Variants in ALX4 observed in about 807,000 individuals in gnomAD.
ALX4 encodes the protein homeobox protein aristaless-like 4.
ALX4 carries 22 observed loss-of-function variants against 40.6 expected under a neutral mutation model. The observed-to-expected ratio is 0.54, with a 90% CI of 0.39 to 0.77. The LOEUF is 0.77. Ranked by LOEUF, ALX4 falls within the 30% of genes least tolerant of loss-of-function variation. The pLI is 0.00. For missense variants in ALX4, 556 were observed against 564.8 expected (o/e 0.98, Z 0.16); for synonymous variants, 266 against 240.5 (o/e 1.11, Z -0.98).
Position 44,262,294 on chromosome 11 carries a change from G to T in ALX4, c.*2560C>A, listed in dbSNP as rs568154025. The T allele has an allele frequency of 6.6e-6, 1 of 152,312 alleles. No individual in the cohort carries two copies. The highest frequency in any genetic ancestry group is 2.1e-4 in the South Asian group (1 of 4,806). The allele number at this position is 152,312 out of a possible 1,614,324, so 9.4% of individuals were successfully genotyped here. A position where few individuals can be genotyped will look rare whatever the true frequency, so the allele number is the denominator to read the frequency against. ...TCGGTGGTCCTATCATACTTAGTGT[G>T]GTTAGGTGGCCCCCAAGGGCTGGGC... On this transcript the variant is annotated 3_prime_UTR_variant, in exon 4 of 4. Coordinates refer to ENST00000652299, the MANE Select transcript of ALX4 (RefSeq NM_021926.4).
chr11:44,263,924 G>C lies in ALX4; in HGVS notation c.*930C>G, dbSNP rs1956196966. 6.6e-6 allele frequency: 1 copy of C among 152,410 alleles called. No individual in the cohort carries two copies. The highest frequency in any genetic ancestry group is 2.4e-5 in the African/African-American group (1 of 41,456). The allele number at this position is 152,410 out of a possible 1,614,324, so 9.4% of individuals were successfully genotyped here. ...CCTGGAGGGAACCTGACTGGGCTCT[G>C]GATGGAGAACAAAGCTGCCCAGACC... On this transcript the variant is annotated 3_prime_UTR_variant, in exon 4 of 4. Coordinates refer to ENST00000652299, the MANE Select transcript of ALX4 (RefSeq NM_021926.4).
At chr11:44,308,294 G>A (rs1956481461) in intron 1 of ALX4, among the ~76,000 whole-genome samples, 1 of 152,222 alleles carries the variant, frequency 6.6e-6, no homozygotes, top group Non-Finnish European at 1.5e-5. Context: ...GTGAAAGAAG[G>A]AACCTGAATA....
intron 1 of ALX4, 26 bp from the exon 2 acceptor site, chr11:44,275,684 A>G (rs1318884238): frequency 1.3e-5 from 21 of 1,608,836 alleles, no homozygotes; most frequent in Non-Finnish European, 1.8e-5. Flanking sequence ...ACAAAGTCAG[A>G]AACCAATGGT....
At chr11:44,287,113 G>A (rs1053277353) in intron 1 of ALX4, among the ~76,000 whole-genome samples, 10 of 152,194 alleles carry the variant, frequency 6.6e-5, no homozygotes, top group African/African-American at 1.2e-4. Context: ...GCAGGCATCC[G>A]CCGAGGCAGG....
chr11:44,303,512 G>C (rs189310520), intron 1 of ALX4, among the ~76,000 whole-genome samples: 4 of 152,310 alleles, frequency 2.6e-5, no homozygotes, highest in African/African-American at 9.6e-5. Flanking sequence ...AACTGCCTCT[G>C]GAGTCCAAAT....
chr11:44,293,099 AGAAGGAAGGAAG>A lies in ALX4; in HGVS notation c.466+16486_466+16497del, dbSNP rs1172183534. Among the ~76,000 whole-genome samples, 196 of 37,154 alleles carry A rather than the reference AGAAGGAAGGAAG, an allele frequency of 5.3e-3. 3 individuals carry two copies. Among genetic ancestry groups the A allele is most frequent in the East Asian group, 0.014 (15 of 1,042 alleles). 24.4% of individuals were successfully genotyped at this position (37,154 alleles called of 152,430 possible). On this transcript the variant is annotated intron_variant, in intron 1 of 3. Transcript: ENST00000652299. ...GGGTGATAGTGAGACCCTGTCTGAGAGAAGGAAGGAAGGAAGGAAGGAAGGAAGGAAGGAAGG... is the reference window on the plus strand; with the variant it reads ...GGGTGATAGTGAGACCCTGTCTGAGAGAAGGAAGGAAGGAAGGAAGGAAGG...
rs60856634 is a variant in ALX4, at chr11:44,297,009, CAAAAA to C, written c.466+12583_466+12587del. 4.3e-3 allele frequency among the ~76,000 whole-genome samples: 372 copies of C among 86,874 alleles called. 1 individual carries two copies. The highest frequency in any genetic ancestry group is 0.014 in the Middle Eastern group (2 of 146). 57.0% of individuals were successfully genotyped at this position (86,874 alleles called of 152,430 possible). On this transcript the variant is annotated intron_variant, in intron 1 of 3. Transcript: ENST00000652299. Reference sequence around the variant, plus strand: ...GGGCAACAAGAGTGAAACTCTGTCTCAAAAAAAAAAAAAAAAAAAAAAGGTACCTA... The same window carrying C: ...GGGCAACAAGAGTGAAACTCTGTCTCAAAAAAAAAAAAAAAAAGGTACCTA...
intron 1 of ALX4, among the ~76,000 whole-genome samples, chr11:44,292,272 C>A (rs1446533929): frequency 6.6e-6 from 1 of 151,648 alleles, no homozygotes; most frequent in Non-Finnish European, 1.5e-5. Context: ...GTGGTACAAT[C>A]ACAGCTCACT....
In ALX4 at chr11:44,275,386, G is replaced by T. The variant is rs776867365; in HGVS notation, c.739C>A (p.Leu247Met). The change falls in exon 2 of 4, where the codon CTG (leucine) becomes ATG (methionine). Residue 247 changes from leucine to methionine, a missense_variant. Transcript: ENST00000652299. Reference protein sequence around the residue: ...HYPDVYAREQLAMRTDLTEAR... With the variant: ...HYPDVYAREQMAMRTDLTEAR... ...TCAGTGAGGTCTGTCCTCATGGCCA[G>T]CTGTTCCCGCGCATACACGTCTGGG... 1 of 1,614,214 alleles carries T rather than the reference G, an allele frequency of 6.2e-7. No individual in the cohort carries two copies. The highest frequency in any genetic ancestry group is 1.7e-5 in the Admixed American group (1 of 60,032).
chr11:44,304,217 T>A (rs1233446154), intron 1 of ALX4, among the ~76,000 whole-genome samples: 1 of 152,226 alleles, frequency 6.6e-6, no homozygotes, highest in Non-Finnish European at 1.5e-5. Context: ...CCTGTGCTGA[T>A]GGCCGGAGAA....
chr11:44,272,825 A>T (rs978709159), intron 2 of ALX4, among the ~76,000 whole-genome samples: 6 of 88,834 alleles, frequency 6.8e-5, no homozygotes, highest in Non-Finnish European at 1.5e-4. Flanking sequence ...TAAAAAAATA[A>T]AAAAAAAATG....
At chr11:44,291,653 G>A (rs1355452119) in intron 1 of ALX4, among the ~76,000 whole-genome samples, 4 of 151,950 alleles carry the variant, frequency 2.6e-5, no homozygotes, top group Non-Finnish European at 2.9e-5. Flanking sequence ...CAATCCGCCC[G>A]CCTCAGCCTC....
rs192930714 is a variant in ALX4, at chr11:44,307,021, G to A, written c.466+2576C>T. Among the ~76,000 whole-genome samples, 32 of 152,304 alleles carry A rather than the reference G, an allele frequency of 2.1e-4. No individual in the cohort carries two copies. In the South Asian group the frequency reaches 5.6e-3, roughly 27 times the overall value. On this transcript the variant is annotated intron_variant, in intron 1 of 3. Transcript: ENST00000652299. ...TCCATCTTAGGCAGCATGGAGTGGC[G>A]TCCTGCCGGTAGTTACAGGCTGCCT...
At chr11:44,280,522 T>C (rs1268726238) in intron 1 of ALX4, among the ~76,000 whole-genome samples, 2 of 152,230 alleles carry the variant, frequency 1.3e-5, no homozygotes, top group Non-Finnish European at 2.9e-5. Context: ...GAGCAGCTCC[T>C]TGTGGACCCG....
chr11:44,270,697 A>G (rs1249518137), intron 2 of ALX4, among the ~76,000 whole-genome samples: 1 of 151,858 alleles, frequency 6.6e-6, no homozygotes, highest in Non-Finnish European at 1.5e-5. Context: ...GCCTGTCTCC[A>G]CTGTGCAGCC....
chr11:44,306,371 C>T (rs1433521713), intron 1 of ALX4, among the ~76,000 whole-genome samples: 1 of 152,250 alleles, frequency 6.6e-6, no homozygotes, highest in African/African-American at 2.4e-5. Flanking sequence ...TTCCCCGCCC[C>T]GCACTCCCTC....
chr11:44,310,020 C>T lies in ALX4; in HGVS notation c.43G>A (p.Ala15Thr). 6.2e-7 allele frequency: 1 copy of T among 1,602,466 alleles called. No individual in the cohort carries two copies. Among genetic ancestry groups the T allele is most frequent in the Non-Finnish European group, 8.5e-7 (1 of 1,174,884 alleles). ...TCVSYCESPA[A>T]AMDAYYSPVS... ...GGGCTGTAGTAGGCGTCCATGGCAG[C>T]GGCCGGCGACTCGCAGTAAGAGACG... The change falls in exon 1 of 4, where the codon GCT becomes ACT. Residue 15 changes from alanine (A) to threonine (T), a missense_variant. Ala to Thr is a moderately conservative substitution (Grantham distance 58). Coordinates refer to ENST00000652299, the MANE Select transcript of ALX4 (RefSeq NM_021926.4).
intron 1 of ALX4, among the ~76,000 whole-genome samples, chr11:44,307,756 T>G (rs1956477682): frequency 6.6e-6 from 1 of 152,152 alleles, no homozygotes; most frequent in African/African-American, 2.4e-5. Context: ...GCTGAGAGTC[T>G]CTGCTGGCTT....
intron 1 of ALX4, among the ~76,000 whole-genome samples, chr11:44,306,521 A>G (rs1956469554): frequency 6.6e-6 from 1 of 152,214 alleles, no homozygotes; most frequent in South Asian, 2.1e-4. Context: ...TACACACGTG[A>G]AAGAACAGCT....
Sources: allele counts gnomAD v4.1 joint callset (sites outside exome capture counted in the v4.1 genomes callset), GRCh38; gene constraint gnomAD v4.1.1; transcripts MANE v1.5; gene names NCBI Gene and HGNC (gene_info 2026-07-23, HGNC 2026-07-21).